Variants in PDE4D observed in about 807,000 individuals in gnomAD.
PDE4D encodes phosphodiesterase 4D, also known as 3',5'-cyclic-AMP phosphodiesterase 4D.
Under a neutral mutation model 87.4 loss-of-function variants are expected in PDE4D, and 24 were observed. The ratio of observed to expected loss-of-function variants is 0.27; its 90% confidence interval spans 0.20 to 0.39. PDE4D has a LOEUF of 0.39. Ranked by LOEUF, PDE4D falls within the 10% of genes least tolerant of loss-of-function variation. The pLI is 1.00. For missense variants in PDE4D, 714 were observed against 1,041.0 expected, an observed-to-expected ratio of 0.69 and a Z score of 4.32; for synonymous variants, 384 against 383.2, an observed-to-expected ratio of 1.00 and a Z score of -0.02.
intron 1 of PDE4D, among the ~76,000 whole-genome samples, chr5:59,688,030 A>T (rs566037740): frequency 3.0e-4 from 45 of 152,330 alleles, no homozygotes; most frequent in African/African-American, 1.1e-3. Context: ...TATCCTAAAT[A>T]TATATGCACC....
At chr5:59,014,497 C>T (rs564752055) in intron 6 of PDE4D, among the ~76,000 whole-genome samples, 2 of 152,270 alleles carry the variant, frequency 1.3e-5, no homozygotes, top group East Asian at 3.9e-4. Context: ...TTCCTATACA[C>T]CAATAACAGA....
At chr5:59,106,186 G>A (rs1174908161) in intron 5 of PDE4D, among the ~76,000 whole-genome samples, 1 of 152,120 alleles carries the variant, frequency 6.6e-6, no homozygotes, top group Non-Finnish European at 1.5e-5. Flanking sequence ...CACAGTTTCA[G>A]GAAGTTCACT....
chr5:59,719,528 A>C (rs1755528660), intron 1 of PDE4D, among the ~76,000 whole-genome samples: 1 of 152,200 alleles, frequency 6.6e-6, no homozygotes. Context: ...ACCAGGTCTC[A>C]AAATCATTGA....
intron 5 of PDE4D, among the ~76,000 whole-genome samples, chr5:59,115,793 G>A (rs1773503577): frequency 6.6e-6 from 1 of 152,112 alleles, no homozygotes; most frequent in South Asian, 2.1e-4. Flanking sequence ...AAAGGTTAAT[G>A]GACCACTCTG....
intron 5 of PDE4D, among the ~76,000 whole-genome samples, chr5:59,131,137 G>C (rs1395602072): frequency 6.6e-6 from 1 of 152,124 alleles, no homozygotes; most frequent in East Asian, 1.9e-4. Flanking sequence ...AAAGGCACAG[G>C]GGGAGTCCTT....
chr5:59,021,835 CTATGA>C (rs879876427), intron 6 of PDE4D, among the ~76,000 whole-genome samples: 8 of 152,174 alleles, frequency 5.3e-5, no homozygotes, highest in African/African-American at 1.7e-4. Context: ...TAATAATAAC[CTATGA>C]TATATTAGAA....
chr5:59,634,506 T>C (rs186757690), intron 1 of PDE4D, among the ~76,000 whole-genome samples: 5 of 152,148 alleles, frequency 3.3e-5, no homozygotes, highest in African/African-American at 4.8e-5. Context: ...CCTCAGCAAA[T>C]GCAAAAAACC....
chr5:59,077,461 AT>A (rs1314021055), intron 5 of PDE4D, among the ~76,000 whole-genome samples: 231 of 135,906 alleles, frequency 1.7e-3, no homozygotes, highest in Admixed American at 4.0e-3. Flanking sequence ...TGGGCAACTG[AT>A]TTTTTTTTTC....
At chr5:60,239,167 G>A (rs1746782818) in intron 1 of PDE4D, among the ~76,000 whole-genome samples, 2 of 151,912 alleles carry the variant, frequency 1.3e-5, no homozygotes, top group African/African-American at 2.4e-5. Context: ...GTAAGAAAGG[G>A]TACTTATTAT....
At chr5:60,128,081 G>A (rs1779263773) in intron 2 of PDE4D, among the ~76,000 whole-genome samples, 1 of 152,102 alleles carries the variant, frequency 6.6e-6, no homozygotes, top group Non-Finnish European at 1.5e-5. Context: ...TTAGGAATGA[G>A]TTTACTTCTT....
intron 2 of PDE4D, chr5:60,185,457 C>G (rs953128406): frequency 3.0e-6 from 2 of 666,122 alleles, no homozygotes; most frequent in African/African-American, 3.6e-5. Context: ...ACGTTTCCCA[C>G]AAGCCTAATC....
intron 3 of PDE4D, among the ~76,000 whole-genome samples, chr5:59,981,096 A>G (rs1761880233): frequency 6.6e-6 from 1 of 152,064 alleles, no homozygotes; most frequent in South Asian, 2.1e-4. Flanking sequence ...TACTAAAAAT[A>G]CAAAAATTAG....
At chr5:59,153,265 T>C (rs1476003905) in intron 5 of PDE4D, among the ~76,000 whole-genome samples, 1 of 152,144 alleles carries the variant, frequency 6.6e-6, no homozygotes, top group Non-Finnish European at 1.5e-5. Flanking sequence ...TTGACCACTA[T>C]AAGGCTTTTC....
chr5:60,319,701 A>G (rs962545597), intron 1 of PDE4D, among the ~76,000 whole-genome samples: 2 of 152,212 alleles, frequency 1.3e-5, no homozygotes, highest in African/African-American at 4.8e-5. Flanking sequence ...TCCTTCTAAC[A>G]GTTAGGACCC....
chr5:60,501,256 T>G (rs951206136), intron 1 of PDE4D, among the ~76,000 whole-genome samples: 16 of 152,058 alleles, frequency 1.1e-4, no homozygotes, highest in Non-Finnish European at 1.9e-4. Flanking sequence ...AGGTGTTTGG[T>G]TTTTTGTTCT....
chr5:60,218,767 A>G (rs574423361), intron 1 of PDE4D, among the ~76,000 whole-genome samples: 2 of 152,104 alleles, frequency 1.3e-5, no homozygotes, highest in Non-Finnish European at 2.9e-5. Context: ...AATGATTTAC[A>G]TATGTTAAAA....
chr5:59,197,564 CA>C (rs1490766809), intron 2 of PDE4D, among the ~76,000 whole-genome samples: 1 of 152,128 alleles, frequency 6.6e-6, no homozygotes, highest in African/African-American at 2.4e-5. Flanking sequence ...TCTAAGTCCT[CA>C]ACTCAATATT....
intron 5 of PDE4D, among the ~76,000 whole-genome samples, chr5:59,090,748 C>T (rs1035794754): frequency 1.3e-5 from 2 of 150,040 alleles, no homozygotes; most frequent in African/African-American, 2.5e-5. Context: ...GAGTCTCAGA[C>T]GGGACCTTCG....
intron 1 of PDE4D, among the ~76,000 whole-genome samples, chr5:60,456,938 C>T (rs778869942): frequency 7.2e-5 from 11 of 152,102 alleles, no homozygotes; most frequent in Admixed American, 2.0e-4. Flanking sequence ...AATCTGGTCA[C>T]GGTCAACTAA....
Sources: gnomAD v4.1 joint callset for allele counts (sites outside exome capture counted in the v4.1 genomes callset) on GRCh38, gnomAD v4.1.1 for gene constraint, MANE v1.5 for transcripts, NCBI Gene and HGNC (gene_info 2026-07-23, HGNC 2026-07-21) for gene names.